The following NREP variants were observed in gnomAD, a reference collection of about 807,000 sequenced individuals.
NREP encodes neuronal regeneration-related protein.
A neutral mutation model predicts 8.6 loss-of-function variants in NREP; 5 were observed. That is an observed-to-expected ratio of 0.58 (90% CI 0.30 to 1.22). The LOEUF (loss-of-function observed/expected upper bound fraction) is 1.22. NREP is among the 50% of genes most tolerant of loss of function. The pLI, the probability that NREP is intolerant of heterozygous loss-of-function variation, is 0.07. For missense variants in NREP, 86 were observed against 82.5 expected, an observed-to-expected ratio of 1.04 and a Z score of -0.17; for synonymous variants, 27 against 28.0, an observed-to-expected ratio of 0.96 and a Z score of 0.11.
At chr5:111,762,583 C>T (rs1750985970), upstream of NREP, among the ~76,000 whole-genome samples, 1 of 152,074 alleles carries the variant, frequency 6.6e-6, no homozygotes, top group Non-Finnish European at 1.5e-5. Context: ...GGGCTCTAAC[C>T]TGAAGTGACC....
chr5:111,974,987 G>A (rs537050306), intron 2 of NREP, among the ~76,000 whole-genome samples: 29 of 152,330 alleles, frequency 1.9e-4, no homozygotes, highest in African/African-American at 6.7e-4. Flanking sequence ...GGCTGAGGTG[G>A]TTGGCCAGAG....
chr5:111,850,875 A>G (rs1753290667), intron 2 of NREP, among the ~76,000 whole-genome samples: 1 of 152,204 alleles, frequency 6.6e-6, no homozygotes, highest in African/African-American at 2.4e-5. Context: ...TTAAAGTTTG[A>G]CAAAACAGGG....
At chr5:111,918,190 G>A (rs1467797181) in intron 2 of NREP, among the ~76,000 whole-genome samples, 1 of 152,080 alleles carries the variant, frequency 6.6e-6, no homozygotes, top group Admixed American at 6.6e-5. Flanking sequence ...ACAAACCACT[G>A]CTCAAGGAAA....
intron 2 of NREP, among the ~76,000 whole-genome samples, chr5:111,942,098 A>T (rs537747239): frequency 6.6e-6 from 1 of 152,190 alleles, no homozygotes; most frequent in Non-Finnish European, 1.5e-5. Flanking sequence ...TTATTACCAT[A>T]AAAACAGTTA....
At position 111,828,854 on chromosome 5, in the gene NREP, A is replaced by T. The variant is rs564158657; in HGVS notation, c.136-93347T>A. ...AATAGGTAGAGGAGCTATCATAATG[A>T]ATAAGACAAGTTCTCTCAGGAAGGT... On this transcript the variant is annotated intron_variant, in intron 2 of 3. Coordinates refer to the NREP transcript ENST00000395634. Among the ~76,000 whole-genome samples the T allele has an allele frequency of 5.6e-4, 85 of 152,324 alleles. 1 individual carries two copies. Among genetic ancestry groups the T allele is most frequent in the African/African-American group, 2.0e-3 (82 of 41,572 alleles).
chr5:111,916,879 AG>A lies in NREP; in HGVS notation c.135+58394del, dbSNP rs541120906. ...CTCCTCAGAAGAAAGAACTCGACTG[AG>A]GGGCATGAGGCAGATAAAGAGACAG... On this transcript the variant is annotated intron_variant, in intron 2 of 3. Coordinates refer to the NREP transcript ENST00000395634. 8.7e-4 allele frequency among the ~76,000 whole-genome samples: 133 copies of A among 152,184 alleles called. 1 individual carries two copies. The highest frequency in any genetic ancestry group is 3.2e-3 in the African/African-American group (133 of 41,522).
chr5:111,976,814 G>A, exon 1 of NREP: 1 of 1,166,024 alleles, frequency 8.6e-7, no homozygotes. Context: ...GAGTTGGCCA[G>A]ACAGCTCAGG....
chr5:111,878,652 T>G (rs559550129), intron 2 of NREP, among the ~76,000 whole-genome samples: 1 of 152,188 alleles, frequency 6.6e-6, no homozygotes, highest in Non-Finnish European at 1.5e-5. Flanking sequence ...GCCGTTGTCT[T>G]AAAGGCCTTA....
intron 2 of NREP, among the ~76,000 whole-genome samples, chr5:111,857,800 G>A (rs1263775311): frequency 6.6e-6 from 1 of 152,062 alleles, no homozygotes; most frequent in African/African-American, 2.4e-5. Flanking sequence ...AAAATAAATG[G>A]ATGCATATGC....
chr5:111,786,723 C>T (rs1751621084), intron 2 of NREP, among the ~76,000 whole-genome samples: 1 of 152,108 alleles, frequency 6.6e-6, no homozygotes. Flanking sequence ...AAAGACAGCA[C>T]TTTCAGGGAA....
chr5:111,881,378 T>C (rs1278373059), intron 2 of NREP, among the ~76,000 whole-genome samples: 1 of 152,184 alleles, frequency 6.6e-6, no homozygotes, highest in Non-Finnish European at 1.5e-5. Flanking sequence ...CCTGCCTCTG[T>C]AGGCTTCACC....
intron 2 of NREP, among the ~76,000 whole-genome samples, chr5:111,941,221 A>C (rs1484375863): frequency 6.6e-6 from 1 of 152,028 alleles, no homozygotes; most frequent in Non-Finnish European, 1.5e-5. Flanking sequence ...TTAATCAGTC[A>C]TTTTTCTGGT....
intron 2 of NREP, among the ~76,000 whole-genome samples, chr5:111,910,515 T>G (rs1271696624): frequency 6.6e-6 from 1 of 152,096 alleles, no homozygotes; most frequent in East Asian, 1.9e-4. Context: ...TATAATGGTT[T>G]TCTTCCTGAG....
intron 2 of NREP, among the ~76,000 whole-genome samples, chr5:111,904,717 G>C (rs999649760): frequency 6.6e-6 from 1 of 152,098 alleles, no homozygotes; most frequent in Non-Finnish European, 1.5e-5. Context: ...ATCGACAGAT[G>C]CTAGAAGAGC....
At chr5:111,884,536 G>T (rs1013988018) in intron 2 of NREP, among the ~76,000 whole-genome samples, 1 of 152,134 alleles carries the variant, frequency 6.6e-6, no homozygotes, top group Non-Finnish European at 1.5e-5. Flanking sequence ...GAGAATTTTA[G>T]ATCAATATCC....
intron 2 of NREP, among the ~76,000 whole-genome samples, chr5:111,940,532 C>T (rs903822226): frequency 6.6e-6 from 1 of 152,016 alleles, no homozygotes; most frequent in Admixed American, 6.6e-5. Flanking sequence ...CTGGCAAAAA[C>T]GTTGGAGAGA....
chr5:111,845,621 G>A (rs934605204), intron 2 of NREP, among the ~76,000 whole-genome samples: 1 of 152,112 alleles, frequency 6.6e-6, no homozygotes, highest in Non-Finnish European at 1.5e-5. Flanking sequence ...AAATCTGGAA[G>A]CAAAGTTTCC....
intron 2 of NREP, among the ~76,000 whole-genome samples, chr5:111,837,007 A>T (rs193302285): frequency 1.3e-5 from 2 of 152,240 alleles, no homozygotes; most frequent in East Asian, 3.9e-4. Context: ...ATTTAATTCC[A>T]ATTAAGCCTA....
intron 2 of NREP, among the ~76,000 whole-genome samples, chr5:111,938,720 A>C (rs1393290125): frequency 6.6e-6 from 1 of 152,076 alleles, no homozygotes; most frequent in East Asian, 1.9e-4. Context: ...CGTGTAAAGT[A>C]CTGGGAACAG....
Sources: gnomAD v4.1 joint callset for allele counts (sites outside exome capture counted in the v4.1 genomes callset) on GRCh38, gnomAD v4.1.1 for gene constraint, MANE v1.5 for transcripts, NCBI Gene and HGNC (gene_info 2026-07-23, HGNC 2026-07-21) for gene names.